The following CREG2 variants were observed in gnomAD, a reference collection of about 807,000 sequenced individuals.
CREG2 encodes the protein cellular repressor of E1A stimulated genes 2.
CREG2 carries 24 observed loss-of-function variants against 26.2 expected under a neutral mutation model. The ratio of observed to expected loss-of-function variants is 0.92; its 90% CI spans 0.66 to 1.29. The LOEUF is 1.29. Ranked by LOEUF, CREG2 falls within the 50% of genes most tolerant of loss-of-function variation. The pLI, the probability that CREG2 is intolerant of heterozygous loss-of-function variation, is 0.00. For synonymous variants in CREG2, 174 were observed against 169.2 expected (o/e 1.03, Z -0.22); for missense variants, 366 against 398.6 (o/e 0.92, Z 0.70).
intron 2 of CREG2, among the ~76,000 whole-genome samples, chr2:101,365,959 A>G (rs1684611498): frequency 1.3e-5 from 2 of 152,212 alleles, no homozygotes; most frequent in Admixed American, 6.5e-5. Context: ...TTTCACAACC[A>G]TTGTGAAATT....
At chr2:101,380,804 G>A (rs1030098647) in intron 2 of CREG2, among the ~76,000 whole-genome samples, 18 of 152,210 alleles carry the variant, frequency 1.2e-4, no homozygotes, top group African/African-American at 4.3e-4. Context: ...AATTAGCTGG[G>A]CATGTTTCAT....
At chr2:101,364,178 G>T (rs1303833134) in intron 2 of CREG2, among the ~76,000 whole-genome samples, 2 of 152,166 alleles carry the variant, frequency 1.3e-5, no homozygotes, top group Non-Finnish European at 2.9e-5. Flanking sequence ...ATGTCACAAG[G>T]CTTTGTCTCT....
chr2:101,384,699 G>T (rs1684937481), intron 1 of CREG2, among the ~76,000 whole-genome samples: 1 of 152,046 alleles, frequency 6.6e-6, no homozygotes, highest in Non-Finnish European at 1.5e-5. Flanking sequence ...CCTACAAAAA[G>T]TTTTTTAAAA....
chr2:101,363,466 G>A (rs922401024), intron 2 of CREG2, among the ~76,000 whole-genome samples: 3 of 152,128 alleles, frequency 2.0e-5, no homozygotes, highest in African/African-American at 4.8e-5. Flanking sequence ...CTTCACAAGG[G>A]ATGCGTTTTT....
intron 2 of CREG2, among the ~76,000 whole-genome samples, chr2:101,357,148 A>G (rs1684475052): frequency 6.6e-6 from 1 of 152,066 alleles, no homozygotes; most frequent in Admixed American, 6.6e-5. Flanking sequence ...CAGCCTCCCA[A>G]AGTGCTGGGA....
intron 3 of CREG2, among the ~76,000 whole-genome samples, chr2:101,352,718 G>A (rs548330646): frequency 1.3e-5 from 2 of 152,302 alleles, no homozygotes; most frequent in Admixed American, 6.5e-5. Context: ...TGAGGCACAA[G>A]ACTCACTTGA....
intron 2 of CREG2, chr2:101,382,843 A>T: frequency 1.0e-6 from 1 of 985,524 alleles, no homozygotes; most frequent in Non-Finnish European, 1.2e-6. Flanking sequence ...ACCCCAGGCC[A>T]TCCTGGGCAT....
intron 2 of CREG2, among the ~76,000 whole-genome samples, chr2:101,372,009 T>C (rs7572740): frequency 0.12 from 18,255 of 151,182 alleles, 1,361 homozygotes; most frequent in East Asian, 0.23. Flanking sequence ...GTGTCTTATT[T>C]TTGAAGGCCA....
chr2:101,363,203 A>G (rs1476554498), intron 2 of CREG2, among the ~76,000 whole-genome samples: 1 of 152,226 alleles, frequency 6.6e-6, no homozygotes, highest in African/African-American at 2.4e-5. Flanking sequence ...ACGCCATTGT[A>G]CTGGGGATTC....
chr2:101,381,322 C>T (rs999207745), intron 2 of CREG2, among the ~76,000 whole-genome samples: 19 of 152,144 alleles, frequency 1.2e-4, no homozygotes, highest in African/African-American at 4.6e-4. Flanking sequence ...CTTGTTTATT[C>T]GGGGCTCTTT....
rs936563269 is a variant in CREG2 at position 101,377,835 on chromosome 2, T to G, written c.611+5698A>C. Among the ~76,000 whole-genome samples the G allele has an allele frequency of 6.8e-4, 104 of 152,220 alleles. 1 individual carries two copies. The highest frequency in any genetic ancestry group is 2.4e-3 in the African/African-American group (101 of 41,454). ...CTAACAATTATTAGGCAAGACATGT[T>G]GGTAGGCTCCGACTTGTATGGGTAT... On this transcript the variant is annotated intron_variant, in intron 2 of 3. Transcript: ENST00000324768.
At chr2:101,370,674 T>G (rs1167535536) in intron 2 of CREG2, among the ~76,000 whole-genome samples, 1 of 152,076 alleles carries the variant, frequency 6.6e-6, no homozygotes, top group Non-Finnish European at 1.5e-5. Context: ...GAGCCCAGAA[T>G]TGGCATTTTC....
intron 2 of CREG2, among the ~76,000 whole-genome samples, chr2:101,380,942 C>CAAA (rs563988407): frequency 6.8e-6 from 1 of 147,588 alleles, no homozygotes; most frequent in Admixed American, 6.8e-5. Context: ...GACTCCATCT[C>CAAA]AAAAAAAAAA....
intron 2 of CREG2, among the ~76,000 whole-genome samples, chr2:101,357,618 T>C (rs1684480921): frequency 6.6e-6 from 1 of 152,192 alleles, no homozygotes; most frequent in Non-Finnish European, 1.5e-5. Context: ...GTGTATTCCA[T>C]CATCTGCTGC....
rs939236075 is a variant in CREG2, at chr2:101,382,663, T to C, written c.611+870A>G. The C allele has an allele frequency of 1.9e-5, 19 of 985,344 alleles. No homozygotes were observed. The South Asian group carries it at 5.2e-4, about 27-fold the overall frequency. The allele number at this position is 985,344 out of a possible 1,614,324, so 61.0% of individuals were successfully genotyped here. A position where few individuals can be genotyped will look rare whatever the true frequency, so the allele number is the denominator to read the frequency against. On this transcript the variant is annotated intron_variant, in intron 2 of 3. Coordinates refer to ENST00000324768, the MANE Select transcript of CREG2 (RefSeq NM_153836.4). ...TATCCAGGATGCATCTTGCATTGTATAGTTGCTTTGATTAGCCTCTGTAAG... is the reference window on the plus strand; with the variant it reads ...TATCCAGGATGCATCTTGCATTGTACAGTTGCTTTGATTAGCCTCTGTAAG...
chr2:101,350,922 A>G lies in CREG2; in HGVS notation c.*1T>C. On this transcript the variant is annotated 3_prime_UTR_variant, in exon 4 of 4. Coordinates refer to ENST00000324768, the MANE Select transcript of CREG2 (RefSeq NM_153836.4). ...ACACCAAGGACTTTCTTCTCACTCC[A>G]TCAGGCCTTTCTGGGAACTGCTTTG... The G allele has an allele frequency of 1.2e-6, 2 of 1,614,106 alleles. No individual in the cohort carries two copies. Among genetic ancestry groups the G allele is most frequent in the South Asian group, 1.1e-5 (1 of 91,068 alleles).
chr2:101,369,222 A>T (rs983905712), intron 2 of CREG2, among the ~76,000 whole-genome samples: 4 of 152,164 alleles, frequency 2.6e-5, no homozygotes, highest in Non-Finnish European at 4.4e-5. Context: ...TTTAGAATAC[A>T]GTGAGTGATG....
At chr2:101,380,008 TATCTATCA>T (rs1558821207) in intron 2 of CREG2, among the ~76,000 whole-genome samples, 9 of 149,266 alleles carry the variant, frequency 6.0e-5, no homozygotes, top group Non-Finnish European at 1.0e-4. Flanking sequence ...TCTATCTATC[TATCTATCA>T]ATCATCTATC....
rs1465614519 is a variant in CREG2, at chr2:101,382,836, C to G, written c.611+697G>C. On this transcript the variant is annotated intron_variant, in intron 2 of 3. Transcript: ENST00000324768. ...GGTCCTGGAGGTTAAAGGGCTCACCCCAGGCCATCCTGGGCATTTGCTGCT... is the reference window on the plus strand; with the variant it reads ...GGTCCTGGAGGTTAAAGGGCTCACCGCAGGCCATCCTGGGCATTTGCTGCT... 3.0e-6 allele frequency: 3 copies of G among 985,348 alleles called. No individual in the cohort carries two copies. The East Asian group carries it at 3.4e-4, about 112-fold the overall frequency. 61.0% of individuals were successfully genotyped at this position (985,348 alleles called of 1,614,324 possible).
Sources: gnomAD v4.1 joint callset for allele counts (sites outside exome capture counted in the v4.1 genomes callset) on GRCh38, gnomAD v4.1.1 for gene constraint, MANE v1.5 for transcripts, NCBI Gene and HGNC (gene_info 2026-07-23, HGNC 2026-07-21) for gene names.